BLOC1S2: variants seen among roughly 807,000 people sequenced by gnomAD.
BLOC1S2 encodes biogenesis of lysosome-related organelles complex 1 subunit 2.
In BLOC1S2, 12 loss-of-function variants were observed where a neutral mutation model predicts 19.6. That is an observed-to-expected ratio of 0.61 (90% CI 0.39 to 0.99). BLOC1S2 has a LOEUF of 0.99. Among genes scored for constraint, BLOC1S2 ranks in the 50% least tolerant of loss-of-function variants. The pLI is 0.00. For missense variants in BLOC1S2, 142 were observed against 171.0 expected, an observed-to-expected ratio of 0.83 and a Z score of 0.95; for synonymous variants, 66 against 64.1, an observed-to-expected ratio of 1.03 and a Z score of -0.14.
At chr10:100,286,558 G>C (rs770868856) in intron 1 of BLOC1S2, 47 bp downstream of exon 1, 2 of 1,608,206 alleles carry the variant, frequency 1.2e-6, no homozygotes, top group Non-Finnish European at 1.7e-6. Flanking sequence ...CCGAGACGGA[G>C]CCCCAGGCCC....
intron 2 of BLOC1S2, 21 bp from the exon 3 acceptor site, chr10:100,281,074 T>C (rs2134360922): frequency 3.1e-6 from 5 of 1,610,744 alleles, no homozygotes; most frequent in East Asian, 2.2e-5. Flanking sequence ...AAACAGAAGA[T>C]GTAATGTCTT....
chr10:100,286,424 C>T (rs1848242596), intron 1 of BLOC1S2, 181 bp downstream of exon 1: 3 of 1,465,614 alleles, frequency 2.0e-6, no homozygotes, highest in Admixed American at 2.5e-5. Context: ...ACCCGGCACC[C>T]CCGCTCATCC....
At chr10:100,281,129 T>C in intron 2 of BLOC1S2, 76 bp from the exon 3 acceptor site, 1 of 1,559,586 alleles carries the variant, frequency 6.4e-7, no homozygotes, top group Non-Finnish European at 8.7e-7. Flanking sequence ...ATAAGCTAAG[T>C]GGTAGTTCAA....
chr10:100,279,941 C>T (rs548610697), intron 4 of BLOC1S2, 183 bp downstream of exon 4: 1 of 400,710 alleles, frequency 2.5e-6, no homozygotes, highest in African/African-American at 2.1e-5. Context: ...AAGAACAGTG[C>T]CTGATATATC....
In BLOC1S2 at chr10:100,286,624, C is replaced by T. The variant is rs61743711; in HGVS notation, c.36G>A (p.Arg12=). The change falls in exon 1 of 5, where the codon CGG becomes CGA. Residue 12 remains arginine (R), a synonymous_variant. Coordinates refer to ENST00000370372, the MANE Select transcript of BLOC1S2 (RefSeq NM_173809.5). ...AAAAEGVLAT[R]SDEPARDDAA... The stretch of plus-strand genomic sequence containing the variant: ...GGGTACCTCGGGCGGGCTCATCACT[C>T]CGGGTCGCCAGTACGCCCTCGGCTG... 3 of 1,612,394 alleles carry T rather than the reference C, an allele frequency of 1.9e-6. No individual in the cohort carries two copies. The highest frequency in any genetic ancestry group is 1.3e-5 in the African/African-American group (1 of 74,898).
At chr10:100,285,434 G>GT (rs1304441653) in intron 2 of BLOC1S2, among the ~76,000 whole-genome samples, 1 of 152,088 alleles carries the variant, frequency 6.6e-6, no homozygotes, top group Non-Finnish European at 1.5e-5. Flanking sequence ...GCTAATTTTT[G>GT]TATTTTTAGT....
chr10:100,281,711 TACACACACACACACAC>T lies in BLOC1S2; in HGVS notation c.173-674_173-659del, dbSNP rs71013439. ...AAAAAAAAATATATATATATACACA[TACACACACACACACAC>T]ACACACACACACACACACTATCAGC... is the stretch of plus-strand genomic sequence containing the variant. On this transcript the variant is annotated intron_variant, in intron 2 of 4. Transcript: ENST00000370372. 2.3e-4 allele frequency among the ~76,000 whole-genome samples: 30 copies of T among 132,578 alleles called. No individual in the cohort carries two copies. In the South Asian group the frequency reaches 7.0e-3, roughly 31 times the overall value. 87.0% of individuals were successfully genotyped at this position (132,578 alleles called of 152,430 possible).
rs570589752 is a variant in BLOC1S2 at position 100,274,938 on chromosome 10, G to A, written c.*524C>T. On this transcript the variant is annotated 3_prime_UTR_variant, in exon 5 of 5. Coordinates refer to ENST00000370372, the MANE Select transcript of BLOC1S2 (RefSeq NM_173809.5). ...GCTTGGAATTATTTTAAGATTTTATGTTATTTGCAATATTATGGAAAAGTA... is the reference window on the plus strand; with the variant it reads ...GCTTGGAATTATTTTAAGATTTTATATTATTTGCAATATTATGGAAAAGTA... 11 of 398,578 alleles carry A rather than the reference G, an allele frequency of 2.8e-5. No homozygotes were observed. Among genetic ancestry groups the A allele is most frequent in the Non-Finnish European group, 4.4e-5 (10 of 226,024 alleles). The allele number at this position is 398,578 out of a possible 1,614,324, so 24.7% of individuals were successfully genotyped here. A position where few individuals can be genotyped will look rare whatever the true frequency, so the allele number is the denominator to read the frequency against.
chr10:100,280,827 C>A, intron 3 of BLOC1S2, 107 bp downstream of exon 3: 2 of 1,356,380 alleles, frequency 1.5e-6, no homozygotes, highest in East Asian at 2.7e-5. Flanking sequence ...TTTTAGAAAA[C>A]AAGCTCCCAC....
At chr10:100,286,415 C>G in intron 1 of BLOC1S2, 190 bp downstream of exon 1, 3 of 1,463,640 alleles carry the variant, frequency 2.0e-6, no homozygotes, top group Non-Finnish European at 2.7e-6. Flanking sequence ...CTCGCCCATA[C>G]CCGGCACCCC....
intron 4 of BLOC1S2, among the ~76,000 whole-genome samples, chr10:100,277,277 G>T (rs1484787432): frequency 1.3e-5 from 2 of 148,558 alleles, no homozygotes; most frequent in Non-Finnish European, 3.0e-5. Flanking sequence ...CTGCCACCCC[G>T]TCTGGGAAGT....
In BLOC1S2 at chr10:100,276,328, TCTCTCCCGTCTCCCTCTCCCGTCTCC is replaced by T. The variant is rs1564870942; in HGVS notation, c.398-861_398-836del. ...CATCTCCCTCTCCCGTCTCCCTCTCTCTCTCCCGTCTCCCTCTCCCGTCTCCCTCTCCCGTCTCCCTCTCCCGTCTC... is the reference window on the plus strand; with the variant it reads ...CATCTCCCTCTCCCGTCTCCCTCTCTCTCTCCCGTCTCCCTCTCCCGTCTC... On this transcript the variant is annotated intron_variant, in intron 4 of 4. Transcript: ENST00000370372. 1.8e-3 allele frequency among the ~76,000 whole-genome samples: 64 copies of T among 36,208 alleles called. 2 individuals carry two copies. Among genetic ancestry groups the T allele is most frequent in the African/African-American group, 3.7e-3 (50 of 13,686 alleles). 23.8% of individuals were successfully genotyped at this position (36,208 alleles called of 152,430 possible).
chr10:100,281,492 G>C (rs1263474863), intron 2 of BLOC1S2, among the ~76,000 whole-genome samples: 2 of 151,972 alleles, frequency 1.3e-5, no homozygotes, highest in African/African-American at 4.8e-5. Flanking sequence ...AGACCAACCT[G>C]GCCAAGATAG....
At chr10:100,277,330 G>A (rs1397963380) in intron 4 of BLOC1S2, among the ~76,000 whole-genome samples, 30 of 151,912 alleles carry the variant, frequency 2.0e-4, no homozygotes, top group Non-Finnish European at 4.0e-4. Context: ...CGGGAGGGAG[G>A]TGGGGGTCAG....
Position 100,273,320 on chromosome 10 carries a change from C to T in BLOC1S2, c.*2142G>A, listed in dbSNP as rs1213513121. 7 of 152,134 alleles carry T rather than the reference C, an allele frequency of 4.6e-5. No homozygotes were observed. Among genetic ancestry groups the T allele is most frequent in the Non-Finnish European group, 1.0e-4 (7 of 68,020 alleles). The allele number at this position is 152,134 out of a possible 1,614,324, so 9.4% of individuals were successfully genotyped here. A position where few individuals can be genotyped will look rare whatever the true frequency, so the allele number is the denominator to read the frequency against. On this transcript the variant is annotated 3_prime_UTR_variant, in exon 5 of 5. Transcript: ENST00000370372. ...CCAATAACTCTTGATTTAATATTTA[C>T]ACATTATATACATGTATTAAATTAT...
chr10:100,274,914 C>A lies in BLOC1S2; in HGVS notation c.*548G>T. On this transcript the variant is annotated 3_prime_UTR_variant, in exon 5 of 5. Coordinates refer to ENST00000370372, the MANE Select transcript of BLOC1S2 (RefSeq NM_173809.5). ...TTTCTGCTCAATCTAGAAGACTCAG[C>A]TTGGAATTATTTTAAGATTTTATGT... The A allele has an allele frequency of 1.0e-5, 4 of 398,504 alleles. No individual in the cohort carries two copies. Among genetic ancestry groups the A allele is most frequent in the East Asian group, 3.6e-5 (1 of 28,024 alleles). The allele number at this position is 398,504 out of a possible 1,614,324, so 24.7% of individuals were successfully genotyped here. A position where few individuals can be genotyped will look rare whatever the true frequency, so the allele number is the denominator to read the frequency against.
intron 4 of BLOC1S2, among the ~76,000 whole-genome samples, chr10:100,278,388 A>G (rs1426489473): frequency 1.7e-4 from 26 of 151,868 alleles, no homozygotes; most frequent in African/African-American, 6.3e-4. Flanking sequence ...TCTGGAATAG[A>G]AAAGGGGGCA....
At chr10:100,277,522 C>T (rs1345530856) in intron 4 of BLOC1S2, among the ~76,000 whole-genome samples, 3 of 113,078 alleles carry the variant, frequency 2.7e-5, no homozygotes, top group Non-Finnish European at 3.8e-5. Context: ...GTCAGCCCCC[C>T]GCCTGGCCAG....
At chr10:100,277,647 G>A (rs1564871917) in intron 4 of BLOC1S2, among the ~76,000 whole-genome samples, 2 of 136,594 alleles carry the variant, frequency 1.5e-5, no homozygotes, top group Non-Finnish European at 3.2e-5. Flanking sequence ...CCCCGTCCAG[G>A]AGGGAGGTGG....
Sources: gnomAD v4.1 joint callset for allele counts (sites outside exome capture counted in the v4.1 genomes callset) on GRCh38, gnomAD v4.1.1 for gene constraint, MANE v1.5 for transcripts, NCBI Gene and HGNC (gene_info 2026-07-23, HGNC 2026-07-21) for gene names.